The following PCED1B variants were observed in gnomAD, a reference collection of about 807,000 sequenced individuals.
The protein encoded by PCED1B is PC-esterase domain containing 1B.
For missense variants in PCED1B, 573 were observed against 573.9 expected (o/e 1.00, Z 0.02); for synonymous variants, 251 against 246.1 (o/e 1.02, Z -0.19).
intron 2 of PCED1B, among the ~76,000 whole-genome samples, chr12:47,142,604 A>C (rs1415762724): frequency 6.6e-6 from 1 of 152,212 alleles, no homozygotes; most frequent in Non-Finnish European, 1.5e-5. Flanking sequence ...TGAGAAGTGT[A>C]ATAAAGAAAT....
At chr12:47,229,831 G>T (rs938395802) in intron 3 of PCED1B, among the ~76,000 whole-genome samples, 1 of 149,412 alleles carries the variant, frequency 6.7e-6, no homozygotes, top group Admixed American at 6.7e-5. Context: ...GTGCAGTGGC[G>T]CGATCTTGGC....
chr12:47,097,066 A>C (rs866896796), intron 1 of PCED1B, among the ~76,000 whole-genome samples: 5 of 152,230 alleles, frequency 3.3e-5, no homozygotes, highest in African/African-American at 9.6e-5. Context: ...TTCCCTTAAT[A>C]ACTTGATAAA....
chr12:47,131,956 C>T (rs1327305787), intron 2 of PCED1B, among the ~76,000 whole-genome samples: 3 of 152,048 alleles, frequency 2.0e-5, no homozygotes, highest in African/African-American at 7.2e-5. Context: ...CGTGAGCCAC[C>T]GTGCCCAGCC....
chr12:47,122,444 A>G (rs561324481), intron 2 of PCED1B, among the ~76,000 whole-genome samples: 2 of 152,348 alleles, frequency 1.3e-5, no homozygotes, highest in East Asian at 3.9e-4. Flanking sequence ...CTTACATCAT[A>G]ATTGCTCAAA....
chr12:47,110,715 T>C (rs1286340712), intron 2 of PCED1B, among the ~76,000 whole-genome samples: 1 of 152,230 alleles, frequency 6.6e-6, no homozygotes, highest in Non-Finnish European at 1.5e-5. Context: ...ATGAAAGGTA[T>C]GAGGTTCCCT....
At chr12:47,176,945 A>G in intron 2 of PCED1B, among the ~76,000 whole-genome samples, 1 of 152,250 alleles carries the variant, frequency 6.6e-6, no homozygotes, top group South Asian at 2.1e-4. Flanking sequence ...TCACTAAACC[A>G]GAAGTCAAAA....
At chr12:47,107,703 C>A (rs1012700849) in intron 2 of PCED1B, among the ~76,000 whole-genome samples, 16 of 152,132 alleles carry the variant, frequency 1.1e-4, no homozygotes, top group African/African-American at 3.1e-4. Flanking sequence ...TGAGAGAATG[C>A]CAGCTGGGGA....
intron 1 of PCED1B, among the ~76,000 whole-genome samples, chr12:47,080,729 AAAT>A: frequency 6.6e-6 from 1 of 152,230 alleles, no homozygotes; most frequent in Non-Finnish European, 1.5e-5. Context: ...GTATTAACCC[AAAT>A]AATAATAATA....
At chr12:47,183,877 G>C (rs988329852) in intron 2 of PCED1B, among the ~76,000 whole-genome samples, 10 of 152,148 alleles carry the variant, frequency 6.6e-5, no homozygotes, top group African/African-American at 2.4e-4. Flanking sequence ...TGACTCCAAG[G>C]AAGACAAGGG....
intron 2 of PCED1B, among the ~76,000 whole-genome samples, chr12:47,114,805 C>T (rs1223450020): frequency 6.6e-6 from 1 of 152,146 alleles, no homozygotes; most frequent in Non-Finnish European, 1.5e-5. Context: ...GGCTTTCCAT[C>T]GTGATCATCT....
In PCED1B at chr12:47,154,190, G is replaced by A. The variant is rs1444232742; in HGVS notation, c.-526+49995G>A. 2.6e-5 allele frequency among the ~76,000 whole-genome samples: 4 copies of A among 152,170 alleles called. No homozygotes were observed. The East Asian group carries it at 7.7e-4, about 29-fold the overall frequency. On this transcript the variant is annotated intron_variant, in intron 2 of 3. Transcript: ENST00000546455. ...AGCAGGCTAATTTGTTAGCTTGTAA[G>A]GAGAGTGACATGGTAGGTCCTTGGC...
chr12:47,220,581 A>G (rs776311668), intron 3 of PCED1B, among the ~76,000 whole-genome samples: 5 of 152,240 alleles, frequency 3.3e-5, no homozygotes, highest in Non-Finnish European at 5.9e-5. Context: ...TAGGCCTGGC[A>G]CAAAGTGAGT....
At position 47,089,794 on chromosome 12, in the gene PCED1B, G is replaced by A. The variant is rs373491835; in HGVS notation, c.-609+10069G>A. On this transcript the variant is annotated intron_variant, in intron 1 of 3. Coordinates refer to ENST00000546455, the MANE Select transcript of PCED1B (RefSeq NM_138371.3). Reference sequence around the variant, plus strand: ...CAGTGAAGTCTCTCTCTTTTTTTGAGACAGAGCCTTGCTGTGTCACCCAGG... The same window carrying A: ...CAGTGAAGTCTCTCTCTTTTTTTGAAACAGAGCCTTGCTGTGTCACCCAGG... 9.9e-5 allele frequency among the ~76,000 whole-genome samples: 15 copies of A among 150,772 alleles called. No homozygotes were observed. In the East Asian group the frequency reaches 2.5e-3, roughly 25 times the overall value.
intron 1 of PCED1B, among the ~76,000 whole-genome samples, chr12:47,089,461 C>CACATATAT (rs1938152229): frequency 1.6e-5 from 1 of 63,398 alleles, no homozygotes; most frequent in Non-Finnish European, 2.9e-5. Context: ...AAAAAAAATA[C>CACATATAT]ATATATATAT....
intron 2 of PCED1B, among the ~76,000 whole-genome samples, chr12:47,188,523 T>C (rs1942345941): frequency 6.6e-6 from 1 of 152,232 alleles, no homozygotes. Context: ...TCCTTGGAAA[T>C]TGAAAGGATT....
At chr12:47,228,160 A>G (rs1943691326) in intron 3 of PCED1B, among the ~76,000 whole-genome samples, 1 of 151,066 alleles carries the variant, frequency 6.6e-6, no homozygotes, top group South Asian at 2.1e-4. Flanking sequence ...TCAGCCTCCT[A>G]AGTAGCTGGG....
intron 3 of PCED1B, among the ~76,000 whole-genome samples, chr12:47,226,655 G>C (rs965128908): frequency 6.6e-6 from 1 of 152,184 alleles, no homozygotes; most frequent in Non-Finnish European, 1.5e-5. Context: ...GATTACAGGC[G>C]TGAGCCACTG....
At chr12:47,085,636 T>A (rs558013721) in intron 1 of PCED1B, among the ~76,000 whole-genome samples, 10 of 152,330 alleles carry the variant, frequency 6.6e-5, no homozygotes, top group Middle Eastern at 3.4e-3. Flanking sequence ...GGTTCCAGTT[T>A]TTGTAAAAGA....
At chr12:47,132,825 A>T (rs1327248307) in intron 2 of PCED1B, among the ~76,000 whole-genome samples, 2 of 152,186 alleles carry the variant, frequency 1.3e-5, no homozygotes, top group African/African-American at 2.4e-5. Context: ...GGAGAACCAA[A>T]ATCTAACTGG....
Sources: allele counts gnomAD v4.1 joint callset (sites outside exome capture counted in the v4.1 genomes callset), GRCh38; gene constraint gnomAD v4.1.1; transcripts MANE v1.5; gene names NCBI Gene and HGNC (gene_info 2026-07-23, HGNC 2026-07-21).